The following MSI2 variants were observed in gnomAD, a reference collection of about 807,000 sequenced individuals.
MSI2 encodes RNA-binding protein Musashi homolog 2.
MSI2 carries 17 observed loss-of-function variants against 45.6 expected under a neutral mutation model. The ratio of observed to expected loss-of-function variants is 0.37; its 90% CI spans 0.26 to 0.56. The LOEUF (loss-of-function observed/expected upper bound fraction) is 0.56, where lower values mean the gene tolerates loss of function less well. Among genes scored for constraint, MSI2 ranks in the 20% least tolerant of loss-of-function variants. MSI2 has a pLI of 0.77. For missense variants in MSI2, 293 were observed against 444.2 expected, an observed-to-expected ratio of 0.66 and a Z score of 3.06; for synonymous variants, 156 against 158.2, an observed-to-expected ratio of 0.99 and a Z score of 0.11.
At chr17:57,503,363 G>C (rs186537426) in intron 6 of MSI2, among the ~76,000 whole-genome samples, 1 of 152,086 alleles carries the variant, frequency 6.6e-6, no homozygotes, top group South Asian at 2.1e-4. Context: ...ACACATATAC[G>C]TTTTGCTAGG....
chr17:57,416,397 A>G (rs2084295011), intron 6 of MSI2, among the ~76,000 whole-genome samples: 1 of 152,226 alleles, frequency 6.6e-6, no homozygotes, highest in African/African-American at 2.4e-5. Flanking sequence ...TATTTCTTGC[A>G]TATGACTTGA....
At chr17:57,294,874 G>C (rs1330545219) in intron 5 of MSI2, 1 of 152,452 alleles carries the variant, frequency 6.6e-6, no homozygotes, top group African/African-American at 2.4e-5. Flanking sequence ...CCCTGCTCTG[G>C]GTTGGGTGCA....
intron 6 of MSI2, among the ~76,000 whole-genome samples, chr17:57,527,097 T>G (rs997954916): frequency 6.6e-6 from 1 of 152,218 alleles, no homozygotes; most frequent in African/African-American, 2.4e-5. Flanking sequence ...CCTAAGGGAA[T>G]CTGAGTCCCA....
the MSI2 span, among the ~76,000 whole-genome samples, chr17:57,692,682 A>G: frequency 6.6e-6 from 1 of 151,732 alleles, no homozygotes; most frequent in Non-Finnish European, 1.5e-5. Flanking sequence ...TTTGGAAGAT[A>G]CTTTTGCTCA....
At chr17:57,458,143 C>T (rs2085152491) in intron 6 of MSI2, among the ~76,000 whole-genome samples, 1 of 149,526 alleles carries the variant, frequency 6.7e-6, no homozygotes, top group Admixed American at 6.7e-5. Context: ...CTCTGTCGCC[C>T]AGGCTGGAGT....
chr17:57,596,861 C>A lies in MSI2; in HGVS notation c.455-7C>A. The A allele has an allele frequency of 6.2e-7, 1 of 1,607,632 alleles. No individual in the cohort carries two copies. The highest frequency in any genetic ancestry group is 8.5e-7 in the Non-Finnish European group (1 of 1,174,242). On this transcript the variant is annotated splice_polypyrimidine_tract_variant and splice_region_variant and intron_variant, in intron 7 of 13. Transcript: ENST00000284073. This position sits in a 1 kb window ranked among gnomAD's most constrained non-coding sequence, Gnocchi z 4.6. ...CTTTGTTTTTTCTTCTCTCTCTTTT[C>A]CTTTAGGGTTTGGCTTTGTCACTTT...
chr17:57,470,744 C>T lies in MSI2; in HGVS notation c.406-58932C>T, dbSNP rs183649387. On this transcript the variant is annotated intron_variant, in intron 6 of 13. Transcript: ENST00000284073. ...TGCTCCTGGCAGCCAGCAGCTCCTG[C>T]GGGTGGAAGGTGGTAAAGCAGTAAA... 4.2e-4 allele frequency among the ~76,000 whole-genome samples: 64 copies of T among 152,314 alleles called. No individual in the cohort carries two copies. In the Middle Eastern group the frequency reaches 0.014, roughly 32 times the overall value.
At chr17:57,667,633 G>T (rs1000406682) in intron 11 of MSI2, among the ~76,000 whole-genome samples, 2 of 152,182 alleles carry the variant, frequency 1.3e-5, no homozygotes, top group African/African-American at 4.8e-5. Flanking sequence ...GTCCCTCAGG[G>T]CCCTTGGGGG....
intron 6 of MSI2, among the ~76,000 whole-genome samples, chr17:57,427,607 G>A (rs1008128741): frequency 3.9e-5 from 6 of 152,174 alleles, no homozygotes; most frequent in Middle Eastern, 3.4e-3. Context: ...TACGTAAAGT[G>A]TCAGACACAC....
chr17:57,683,933 T>G lies in MSI2; in HGVS notation c.*4416T>G. The G allele has an allele frequency of 4.3e-6, 1 of 230,330 alleles. No homozygotes were observed. The highest frequency in any genetic ancestry group is 2.2e-5 in the African/African-American group (1 of 45,246). 14.3% of individuals were successfully genotyped at this position (230,330 alleles called of 1,614,324 possible). On this transcript the variant is annotated 3_prime_UTR_variant, in exon 14 of 14. Coordinates refer to ENST00000284073, the MANE Select transcript of MSI2 (RefSeq NM_138962.4). This position sits in a 1 kb window ranked among gnomAD's most constrained non-coding sequence, Gnocchi z 5.2. ...ATATGTTTGTTTTCTTTTTCTTTCT[T>G]TTTTTTCTACCAAAAAAAAGTAAGT... is the stretch of plus-strand genomic sequence containing the variant.
At chr17:57,612,830 C>T (rs985887349) in intron 8 of MSI2, among the ~76,000 whole-genome samples, 4 of 152,158 alleles carry the variant, frequency 2.6e-5, no homozygotes, top group African/African-American at 7.2e-5. Flanking sequence ...AGATTGTCAC[C>T]GATAGGGCTA....
intron 6 of MSI2, among the ~76,000 whole-genome samples, chr17:57,515,457 G>A (rs1455699673): frequency 6.6e-6 from 1 of 152,158 alleles, no homozygotes; most frequent in Non-Finnish European, 1.5e-5. Context: ...CATTTGCCTC[G>A]GCCTCCCAAA....
At chr17:57,373,863 A>G (rs1458127438) in intron 5 of MSI2, among the ~76,000 whole-genome samples, 3 of 152,248 alleles carry the variant, frequency 2.0e-5, no homozygotes, top group Admixed American at 2.0e-4. Context: ...GCCAGGGGAA[A>G]TAGTTAAAGT....
chr17:57,530,062 G>C (rs1460180604), intron 7 of MSI2, among the ~76,000 whole-genome samples: 1 of 152,202 alleles, frequency 6.6e-6, no homozygotes, highest in Non-Finnish European at 1.5e-5. Context: ...ATTCACAGCA[G>C]TGACTCAATT....
At chr17:57,427,398 CAAAAA>C (rs10709099) in intron 6 of MSI2, among the ~76,000 whole-genome samples, 20 of 149,714 alleles carry the variant, frequency 1.3e-4, no homozygotes, top group East Asian at 3.9e-4. Flanking sequence ...ACTCTGTCTC[CAAAAA>C]AAAAAAATAA....
At chr17:57,475,151 T>G (rs2085513742) in intron 6 of MSI2, among the ~76,000 whole-genome samples, 1 of 152,176 alleles carries the variant, frequency 6.6e-6, no homozygotes, top group African/African-American at 2.4e-5. Context: ...CAAGGCACTG[T>G]AAGGTGTGGG....
intron 5 of MSI2, among the ~76,000 whole-genome samples, chr17:57,270,938 C>T (rs536356989): frequency 1.3e-5 from 2 of 152,226 alleles, no homozygotes; most frequent in East Asian, 1.9e-4. Flanking sequence ...GCTCTCGAGG[C>T]GAGATAGCAT....
chr17:57,259,682 G>A (rs952472938), intron 4 of MSI2, among the ~76,000 whole-genome samples: 2 of 152,188 alleles, frequency 1.3e-5, no homozygotes, highest in Non-Finnish European at 2.9e-5. Flanking sequence ...ATGATTTGTA[G>A]GATGATAACA....
chr17:57,515,254 A>G (rs1009524402), intron 6 of MSI2, among the ~76,000 whole-genome samples: 2 of 152,086 alleles, frequency 1.3e-5, no homozygotes, highest in Non-Finnish European at 2.9e-5. Context: ...CCCAGACTGG[A>G]GTGCAATGGC....
Sources: gnomAD v4.1 joint callset for allele counts (sites outside exome capture counted in the v4.1 genomes callset) on GRCh38, gnomAD v4.1.1 for gene constraint, Gnocchi (gnomAD v3.1) non-coding constraint, MANE v1.5 for transcripts, NCBI Gene and HGNC (gene_info 2026-07-23, HGNC 2026-07-21) for gene names.